Variants in CHRM3 observed in about 807,000 individuals in gnomAD.
CHRM3 encodes muscarinic acetylcholine receptor M3.
CHRM3 carries 11 observed loss-of-function variants against 41.8 expected under a neutral mutation model. The observed-to-expected ratio is 0.26, with a 90% confidence interval of 0.17 to 0.44. The LOEUF (loss-of-function observed/expected upper bound fraction) is 0.44. Among genes scored for constraint, CHRM3 ranks in the 20% least tolerant of loss-of-function variants. The pLI, the probability that CHRM3 is intolerant of heterozygous loss-of-function variation, is 1.00. For synonymous variants in CHRM3, 297 were observed against 301.4 expected (o/e 0.99, Z 0.15); for missense variants, 571 against 745.4 (o/e 0.77, Z 2.72).
intron 4 of CHRM3, among the ~76,000 whole-genome samples, chr1:239,632,986 T>C (rs1355023349): frequency 6.6e-6 from 1 of 152,202 alleles, no homozygotes; most frequent in African/African-American, 2.4e-5. Flanking sequence ...TTTTTGTTTG[T>C]TTTTGAGACG....
chr1:239,761,139 T>C (rs770813539), intron 5 of CHRM3, among the ~76,000 whole-genome samples: 3 of 152,218 alleles, frequency 2.0e-5, no homozygotes, highest in Non-Finnish European at 4.4e-5. Context: ...TCCCTATTAA[T>C]CTTTTCTTCA....
chr1:239,811,584 A>C (rs1183479970), intron 5 of CHRM3, among the ~76,000 whole-genome samples: 1 of 152,196 alleles, frequency 6.6e-6, no homozygotes. Context: ...TCCTAGTACA[A>C]TTCACCAGAA....
At chr1:239,621,378 G>A (rs1668343418) in intron 3 of CHRM3, among the ~76,000 whole-genome samples, 1 of 152,134 alleles carries the variant, frequency 6.6e-6, no homozygotes, top group African/African-American at 2.4e-5. Flanking sequence ...GAAAGGAAGA[G>A]TTACATGTCT....
intron 3 of CHRM3, among the ~76,000 whole-genome samples, chr1:239,608,406 G>A (rs1034089386): frequency 6.6e-6 from 1 of 152,054 alleles, no homozygotes; most frequent in Non-Finnish European, 1.5e-5. Context: ...ATTTTTGTGG[G>A]TTTTAATAAA....
Position 239,907,562 on chromosome 1 carries a change from C to A in CHRM3, c.111C>A (p.Phe37Leu), listed in dbSNP as rs200497627. ...TGCCCCCGGGAACCGTCACTCATTT[C>A]GGCAGCTACAATGTTTCTCGAGCAG... ...AGLPPGTVTH[F>L]GSYNVSRAAG... The change falls in exon 7 of 7, where the codon TTC (phenylalanine) becomes TTA (leucine). Residue 37 changes from phenylalanine (F) to leucine (L), a missense_variant. This residue lies in a region of CHRM3 where 92 missense variants were observed against 76.1 expected (regional missense o/e 1.21). Coordinates refer to ENST00000676153, the MANE Select transcript of CHRM3 (RefSeq NM_001375978.1). This position sits in a 1 kb window ranked among gnomAD's most constrained non-coding sequence, Gnocchi z 5.4. The A allele has an allele frequency of 1.5e-5, 24 of 1,614,068 alleles. No individual in the cohort carries two copies. The South Asian group carries it at 2.5e-4, about 17-fold the overall frequency.
chr1:239,782,087 G>T (rs77576126), intron 5 of CHRM3, among the ~76,000 whole-genome samples: 7,644 of 152,064 alleles, frequency 0.05, 621 homozygotes, highest in African/African-American at 0.17. Context: ...TTCCTGTAAT[G>T]TATTTGTCTA....
chr1:239,583,433 A>G (rs2148600556), intron 3 of CHRM3, among the ~76,000 whole-genome samples: 1 of 152,340 alleles, frequency 6.6e-6, no homozygotes, highest in East Asian at 1.9e-4. Flanking sequence ...AATGTGCTAG[A>G]CGTGAGAGCT....
chr1:239,887,639 G>A lies in CHRM3; in HGVS notation c.-19-19794G>A, dbSNP rs187346841. ...CATCAGAACTTCCAGCATTTTATTC[G>A]CATCTGTTGAGATGTTTTTGAAGAG... On this transcript the variant is annotated intron_variant, in intron 6 of 6. Transcript: ENST00000676153. 4.5e-3 allele frequency among the ~76,000 whole-genome samples: 686 copies of A among 152,226 alleles called. 2 individuals are homozygous for A. The highest frequency in any genetic ancestry group is 8.1e-3 in the Admixed American group (124 of 15,290).
intron 2 of CHRM3, among the ~76,000 whole-genome samples, chr1:239,504,046 A>T (rs1409811610): frequency 6.6e-6 from 1 of 152,196 alleles, no homozygotes; most frequent in Non-Finnish European, 1.5e-5. Flanking sequence ...CAAATTCAAT[A>T]AAAACAAAAA....
At chr1:239,518,725 G>A (rs963882412) in intron 2 of CHRM3, among the ~76,000 whole-genome samples, 7 of 152,270 alleles carry the variant, frequency 4.6e-5, no homozygotes, top group South Asian at 4.2e-4. Context: ...TTTGTGGGCG[G>A]TAGTTGCACG....
At chr1:239,736,362 T>A (rs1333686535) in intron 5 of CHRM3, among the ~76,000 whole-genome samples, 1 of 151,862 alleles carries the variant, frequency 6.6e-6, no homozygotes, top group Non-Finnish European at 1.5e-5. Context: ...AAAAACAAGG[T>A]GTAGTTAAAG....
chr1:239,613,992 CA>C (rs900105945), intron 3 of CHRM3, among the ~76,000 whole-genome samples: 1 of 151,616 alleles, frequency 6.6e-6, no homozygotes, highest in Non-Finnish European at 1.5e-5. Context: ...CCCCTCTCTA[CA>C]AAAAAAATAA....
At chr1:239,668,225 A>G (rs1243389180) in intron 4 of CHRM3, among the ~76,000 whole-genome samples, 1 of 149,362 alleles carries the variant, frequency 6.7e-6, no homozygotes, top group Non-Finnish European at 1.5e-5. Flanking sequence ...CAGCCTCCTG[A>G]GTAGCTGGGA....
intron 6 of CHRM3, among the ~76,000 whole-genome samples, chr1:239,839,795 C>T (rs1218885460): frequency 1.9e-5 from 2 of 102,662 alleles, no homozygotes; most frequent in Non-Finnish European, 2.2e-5. Flanking sequence ...CATTCAGTGG[C>T]GGGGCGGGGG....
intron 4 of CHRM3, among the ~76,000 whole-genome samples, chr1:239,632,617 T>A (rs1161444810): frequency 6.6e-6 from 1 of 152,216 alleles, no homozygotes; most frequent in Non-Finnish European, 1.5e-5. Context: ...ATATATAGGA[T>A]CTTATAGCTT....
At position 239,915,362 on chromosome 1, in the gene CHRM3, T is replaced by C. The variant is rs1329247147; in HGVS notation, c.*6138T>C. The C allele has an allele frequency of 1.2e-5, 2 of 167,120 alleles. No individual in the cohort carries two copies. Among genetic ancestry groups the C allele is most frequent in the East Asian group, 1.9e-4 (1 of 5,206 alleles). The allele number at this position is 167,120 out of a possible 1,614,324, so 10.4% of individuals were successfully genotyped here. On this transcript the variant is annotated 3_prime_UTR_variant, in exon 7 of 7. Transcript: ENST00000676153. Reference sequence around the variant, plus strand: ...TTGAAAAAGTCAATCGTCTGTAGTCTGTACTATAAAATGATGCCTGCAACT... The same window carrying C: ...TTGAAAAAGTCAATCGTCTGTAGTCCGTACTATAAAATGATGCCTGCAACT...
At chr1:239,605,799 T>C (rs180784983) in intron 3 of CHRM3, among the ~76,000 whole-genome samples, 75 of 152,326 alleles carry the variant, frequency 4.9e-4, no homozygotes, top group Admixed American at 2.0e-3. Flanking sequence ...TGAGAACTAC[T>C]TGAGTGGTAA....
chr1:239,480,601 G>C (rs992609129), intron 1 of CHRM3, among the ~76,000 whole-genome samples: 1 of 135,406 alleles, frequency 7.4e-6, no homozygotes, highest in Non-Finnish European at 1.5e-5. Flanking sequence ...CTGTCACCCA[G>C]GCTGGAGTGC....
At chr1:239,401,625 G>A (rs901727349) in intron 1 of CHRM3, among the ~76,000 whole-genome samples, 3 of 151,854 alleles carry the variant, frequency 2.0e-5, no homozygotes, top group African/African-American at 7.3e-5. Context: ...TGAGTAGCCC[G>A]GACTACAGGC....
Sources: gnomAD v4.1 joint callset for allele counts (sites outside exome capture counted in the v4.1 genomes callset) on GRCh38, gnomAD v4.1.1 for gene constraint, gnomAD v4.1.1 regional missense constraint, Gnocchi (gnomAD v3.1) non-coding constraint, MANE v1.5 for transcripts, NCBI Gene and HGNC (gene_info 2026-07-23, HGNC 2026-07-21) for gene names.